The following CRYM variants were observed in gnomAD, a reference collection of about 807,000 sequenced individuals.
CRYM encodes crystallin mu.
CRYM carries 18 observed loss-of-function variants against 32.9 expected under a neutral mutation model. That is an observed-to-expected ratio of 0.55 (90% confidence interval 0.38 to 0.81). CRYM has a LOEUF of 0.81. CRYM is among the 30% of genes least tolerant of loss of function. The pLI, the probability that CRYM is intolerant of heterozygous loss-of-function variation, is 0.00. For missense variants in CRYM, 337 were observed against 393.5 expected (o/e 0.86, Z 1.21); for synonymous variants, 153 against 152.4 (o/e 1.00, Z -0.03).
At position 21,295,093 on chromosome 16, in the gene CRYM, C is replaced by T. The variant is rs546418215; in HGVS notation, c.-193+7885G>A. ...CTGATGGACATTTGGGTTGGTTCCA[C>T]GTCTTTGCTATTGCAAATAGTGCTG... On this transcript the variant is annotated intron_variant, in intron 1 of 9. Transcript: ENST00000219599. 3.3e-5 allele frequency among the ~76,000 whole-genome samples: 5 copies of T among 152,280 alleles called. No individual in the cohort carries two copies. In the South Asian group the frequency reaches 1.0e-3, roughly 32 times the overall value.
At chr16:21,285,941 CTAAT>C (rs1421882489) in intron 1 of CRYM, among the ~76,000 whole-genome samples, 51 of 152,310 alleles carry the variant, frequency 3.3e-4, no homozygotes, top group Non-Finnish European at 3.8e-4. Flanking sequence ...TCCCATGTAG[CTAAT>C]TATTATTCCA....
chr16:21,260,891 C>A lies in CRYM; in HGVS notation c.880+363G>T, dbSNP rs189761526. On this transcript the variant is annotated intron_variant, in intron 7 of 7. Coordinates refer to ENST00000572914, the MANE Select transcript of CRYM (RefSeq NM_001376256.1). ...TTTTAACATCTTTGTCCCCTGCCCCCTCCACCTCTGAAGGGTACCTTCTGA... is the reference window on the plus strand; with the variant it reads ...TTTTAACATCTTTGTCCCCTGCCCCATCCACCTCTGAAGGGTACCTTCTGA... Among the ~76,000 whole-genome samples, 4 of 152,344 alleles carry A rather than the reference C, an allele frequency of 2.6e-5. No individual in the cohort carries two copies. The East Asian group carries it at 7.7e-4, about 29-fold the overall frequency.
At chr16:21,290,933 A>G (rs186399207) in intron 1 of CRYM, among the ~76,000 whole-genome samples, 56 of 152,334 alleles carry the variant, frequency 3.7e-4, no homozygotes, top group Admixed American at 1.6e-3. Context: ...GCATGAGATG[A>G]CAGGAAGACA....
intron 1 of CRYM, among the ~76,000 whole-genome samples, chr16:21,288,512 T>TTTC (rs34022021): frequency 0.61 from 92,491 of 151,584 alleles, 30,498 homozygotes; most frequent in African/African-American, 0.87. Flanking sequence ...TTGAGGCTTC[T>TTTC]TTCTTATTTT....
chr16:21,278,143 C>T lies in CRYM; in HGVS notation c.109G>A (p.Gly37Ser). Residue 37 changes from glycine (G) to serine (S), a missense_variant, in exon 1 of 8, where the codon GGT (glycine) becomes AGT (serine). By Grantham distance (56) the Gly-to-Ser change is moderately conservative (BLOSUM62 0). Transcript: ENST00000572914. The stretch of plus-strand genomic sequence containing the variant: ...GGCTGCATGACCCCTCCTTCGGGAC[C>T]GCTGGAGAAGTTGGCCAGGGCCGTC... Reference protein sequence around the residue: ...LETALANFSSGPEGGVMQPVR... With the variant: ...LETALANFSSSPEGGVMQPVR... 3.2e-6 allele frequency: 5 copies of T among 1,551,130 alleles called. No homozygotes were observed. Among genetic ancestry groups the T allele is most frequent in the Non-Finnish European group, 4.4e-6 (5 of 1,147,668 alleles).
chr16:21,298,323 C>T (rs536532924), intron 1 of CRYM, among the ~76,000 whole-genome samples: 1 of 152,272 alleles, frequency 6.6e-6, no homozygotes, highest in Non-Finnish European at 1.5e-5. Context: ...TCCACTTCTC[C>T]CAAGAGATAC....
intron 1 of CRYM, among the ~76,000 whole-genome samples, chr16:21,286,703 C>G (rs1358677821): frequency 6.6e-6 from 1 of 152,068 alleles, no homozygotes; most frequent in Non-Finnish European, 1.5e-5. Flanking sequence ...AGTCAAGCAC[C>G]ATTTCTTATT....
chr16:21,274,081 T>C (rs1040631564), intron 3 of CRYM, among the ~76,000 whole-genome samples: 1 of 152,222 alleles, frequency 6.6e-6, no homozygotes, highest in Non-Finnish European at 1.5e-5. Context: ...TTACCACGTT[T>C]CCTTTATAAT....
chr16:21,260,498 C>T (rs1177926098), intron 7 of CRYM, among the ~76,000 whole-genome samples: 2 of 152,148 alleles, frequency 1.3e-5, no homozygotes, highest in Non-Finnish European at 1.5e-5. Context: ...TGGAGTTTCA[C>T]CATGTTGGCC....
intron 1 of CRYM, among the ~76,000 whole-genome samples, chr16:21,300,689 A>AAG (rs1960893052): frequency 6.6e-6 from 1 of 152,108 alleles, no homozygotes; most frequent in Admixed American, 6.5e-5. Flanking sequence ...CCCAACCAGG[A>AAG]AGAGAACTCC....
chr16:21,277,619 C>A lies in CRYM; in HGVS notation c.171-35G>T. On this transcript the variant is annotated intron_variant, in intron 1 of 7. Transcript: ENST00000572914. The surrounding 1 kb of genome is among the most constrained non-coding windows in gnomAD (Gnocchi z 4.2). ...GAGAGGGAGCAGCTTCAGCCCCTTC[C>A]CATCAATGCTGGGGTCTCTTAGAAA... 6.2e-7 allele frequency: 1 copy of A among 1,611,686 alleles called. No individual in the cohort carries two copies. Among genetic ancestry groups the A allele is most frequent in the South Asian group, 1.1e-5 (1 of 91,002 alleles).
upstream of CRYM, among the ~76,000 whole-genome samples, chr16:21,281,095 T>TCTCTCTCTCTCTCA (rs1441739119): frequency 7.6e-6 from 1 of 131,218 alleles, no homozygotes; most frequent in Non-Finnish European, 1.6e-5. Context: ...ACAGAGTGAT[T>TCTCTCTCTCTCTCA]CTCTCTCTCT....
chr16:21,296,837 C>T (rs796228969), intron 1 of CRYM, among the ~76,000 whole-genome samples: 17 of 151,584 alleles, frequency 1.1e-4, no homozygotes, highest in African/African-American at 3.6e-4. Context: ...GGTGAAACCC[C>T]GTCTCTACTA....
upstream of CRYM, among the ~76,000 whole-genome samples, chr16:21,280,366 T>A (rs1045091811): frequency 6.6e-6 from 1 of 152,116 alleles, no homozygotes; most frequent in Admixed American, 6.5e-5. Context: ...TGTGACACAG[T>A]AAGACTTTTT....
intron 1 of CRYM, among the ~76,000 whole-genome samples, chr16:21,299,248 T>G (rs760976801): frequency 6.6e-6 from 1 of 152,082 alleles, no homozygotes; most frequent in Non-Finnish European, 1.5e-5. Flanking sequence ...GTTCAGATTC[T>G]CAGCACTGCG....
chr16:21,262,251 G>A (rs1327101517), intron 5 of CRYM, 93 bp from the exon 6 acceptor site: 25 of 1,510,510 alleles, frequency 1.7e-5, no homozygotes, highest in East Asian at 4.6e-5. Context: ...CAAAGGACTC[G>A]TGAACACACT....
chr16:21,277,303 G>A lies in CRYM; in HGVS notation c.324+128C>T. On this transcript the variant is annotated intron_variant, in intron 2 of 7. Transcript: ENST00000572914. This position sits in a 1 kb window ranked among gnomAD's most constrained non-coding sequence, Gnocchi z 4.2. ...ACACAGATAACCTTCACTGTTGCTG[G>A]TATCCAGTCACTTGCAGAGGGGCAC... The A allele has an allele frequency of 2.1e-6, 2 of 945,984 alleles. No homozygotes were observed. Among genetic ancestry groups the A allele is most frequent in the South Asian group, 2.9e-5 (2 of 68,498 alleles). 58.6% of individuals were successfully genotyped at this position (945,984 alleles called of 1,614,324 possible).
chr16:21,270,512 G>A (rs1432740310), intron 3 of CRYM, among the ~76,000 whole-genome samples: 3 of 152,106 alleles, frequency 2.0e-5, no homozygotes, highest in Non-Finnish European at 1.5e-5. Flanking sequence ...TCAAACTCCT[G>A]ACCTCAGGTG....
At chr16:21,298,232 A>T (rs941966151) in intron 1 of CRYM, among the ~76,000 whole-genome samples, 3 of 152,368 alleles carry the variant, frequency 2.0e-5, no homozygotes, top group Non-Finnish European at 4.4e-5. Context: ...TCCAAGGGAA[A>T]GCTAAAGTTG....
Sources: allele counts gnomAD v4.1 joint callset (sites outside exome capture counted in the v4.1 genomes callset), GRCh38; gene constraint gnomAD v4.1.1; non-coding constraint Gnocchi (gnomAD v3.1); transcripts MANE v1.5; gene names NCBI Gene and HGNC (gene_info 2026-07-23, HGNC 2026-07-21).